Variants in CFDP1 observed in about 807,000 individuals in gnomAD.
The protein encoded by CFDP1 is chromatin remodeling protein CFDP1.
In CFDP1, 31 loss-of-function variants were observed where a neutral mutation model predicts 40.1. The ratio of observed to expected loss-of-function variants is 0.77; its 90% CI spans 0.58 to 1.04. The LOEUF (loss-of-function observed/expected upper bound fraction) is 1.04, where lower values mean the gene tolerates loss of function less well. Among genes scored for constraint, CFDP1 ranks in the 50% least tolerant of loss-of-function variants. The probability of loss-of-function intolerance (pLI) is 0.00; values close to 1 mark genes in which losing one functional copy is unlikely to be tolerated. For missense variants in CFDP1, 423 were observed against 343.4 expected, an observed-to-expected ratio of 1.23 and a Z score of -1.83; for synonymous variants, 167 against 120.0, an observed-to-expected ratio of 1.39 and a Z score of -2.56.
intron 6 of CFDP1, among the ~76,000 whole-genome samples, chr16:75,299,202 C>T (rs547383038): frequency 3.3e-4 from 50 of 152,310 alleles, no homozygotes; most frequent in African/African-American, 9.1e-4. Context: ...GTCTCCGGTA[C>T]AGGCACTTCA....
intron 6 of CFDP1, among the ~76,000 whole-genome samples, chr16:75,297,015 CT>C (rs1275548725): frequency 1.3e-5 from 2 of 152,066 alleles, no homozygotes; most frequent in African/African-American, 4.8e-5. Context: ...TTTTCCTTCT[CT>C]GTAAAACAGA....
In CFDP1 at chr16:75,416,464, T is replaced by TA. The variant is rs147793433; in HGVS notation, c.65-1770dup. Among the ~76,000 whole-genome samples the TA allele has an allele frequency of 6.1e-3, 864 of 141,500 alleles. 6 individuals are homozygous for TA. The highest frequency in any genetic ancestry group is 0.02 in the African/African-American group (783 of 38,256). 92.8% of individuals were successfully genotyped at this position (141,500 alleles called of 152,430 possible). A position where few individuals can be genotyped will look rare whatever the true frequency, so the allele number is the denominator to read the frequency against. ...AACTAAAACAATGATAAAAGAGATTTAAAAAAAAAAAAAAAAGGTAAACCA... is the reference window on the plus strand; with the variant it reads ...AACTAAAACAATGATAAAAGAGATTTAAAAAAAAAAAAAAAAAGGTAAACCA... On this transcript the variant is annotated intron_variant, in intron 1 of 6. Transcript: ENST00000283882.
chr16:75,337,948 T>C (rs1170443617), intron 5 of CFDP1, among the ~76,000 whole-genome samples: 1 of 152,202 alleles, frequency 6.6e-6, no homozygotes, highest in Non-Finnish European at 1.5e-5. Flanking sequence ...CCACAGATGA[T>C]CCAAACCTGG....
intron 5 of CFDP1, among the ~76,000 whole-genome samples, chr16:75,349,785 A>G (rs1352675976): frequency 7.0e-6 from 1 of 142,380 alleles, no homozygotes; most frequent in African/African-American, 2.6e-5. Context: ...ATCAATTTTT[A>G]GTGGATTGCT....
intron 1 of CFDP1, among the ~76,000 whole-genome samples, chr16:75,426,134 T>A (rs2079340642): frequency 6.8e-6 from 1 of 146,874 alleles, no homozygotes; most frequent in African/African-American, 2.5e-5. Context: ...GCGGATCACC[T>A]GAGGTTGGGA....
chr16:75,362,489 T>A (rs2078686396), intron 5 of CFDP1, among the ~76,000 whole-genome samples: 1 of 152,246 alleles, frequency 6.6e-6, no homozygotes, highest in Non-Finnish European at 1.5e-5. Context: ...TAATTACATT[T>A]GACTTAAAAA....
At chr16:75,402,763 G>T (rs950842767) in intron 4 of CFDP1, among the ~76,000 whole-genome samples, 5 of 152,032 alleles carry the variant, frequency 3.3e-5, no homozygotes, top group African/African-American at 1.2e-4. Flanking sequence ...TTCAGATCTC[G>T]TAAGTCCCCT....
intron 6 of CFDP1, among the ~76,000 whole-genome samples, chr16:75,299,807 G>A (rs115258786): frequency 0.022 from 3,352 of 152,216 alleles, 70 homozygotes; most frequent in African/African-American, 0.054. Context: ...TGCATCAGAT[G>A]ATAGTAAGTG....
intron 5 of CFDP1, among the ~76,000 whole-genome samples, chr16:75,326,964 G>T (rs2078405804): frequency 6.6e-6 from 1 of 152,162 alleles, no homozygotes. Context: ...GTTATTAGAG[G>T]ATGAGTTCTA....
chr16:75,300,635 A>G (rs927942455), intron 6 of CFDP1, among the ~76,000 whole-genome samples: 3 of 152,176 alleles, frequency 2.0e-5, no homozygotes, highest in African/African-American at 7.2e-5. Context: ...GCCATTTTCT[A>G]AGAATTCTGA....
intron 4 of CFDP1, among the ~76,000 whole-genome samples, chr16:75,397,194 G>C (rs561454165): frequency 6.6e-6 from 1 of 151,472 alleles, no homozygotes; most frequent in Non-Finnish European, 1.5e-5. Context: ...GATTACAGGC[G>C]TGAGCCACTG....
intron 5 of CFDP1, among the ~76,000 whole-genome samples, chr16:75,347,372 A>G (rs1420678754): frequency 6.8e-5 from 10 of 147,674 alleles, no homozygotes; most frequent in Non-Finnish European, 1.2e-4. Context: ...AAAGAAAAAG[A>G]AAAAGAAAAA....
chr16:75,392,097 T>C (rs1477203633), intron 5 of CFDP1, among the ~76,000 whole-genome samples: 1 of 152,066 alleles, frequency 6.6e-6, no homozygotes, highest in African/African-American at 2.4e-5. Flanking sequence ...TTAAAAATCC[T>C]AATCTTCATT....
intron 5 of CFDP1, among the ~76,000 whole-genome samples, chr16:75,359,610 C>T (rs1362618066): frequency 6.6e-6 from 1 of 152,204 alleles, no homozygotes; most frequent in East Asian, 1.9e-4. Flanking sequence ...GACTCCAATG[C>T]AGTCATGACC....
intron 2 of CFDP1, among the ~76,000 whole-genome samples, 156 bp from the exon 3 acceptor site, chr16:75,412,910 A>C (rs572115614): frequency 2.1e-4 from 32 of 152,040 alleles, no homozygotes; most frequent in Non-Finnish European, 2.4e-4. Context: ...GTTAAGCTGA[A>C]ATTTTATAGA....
chr16:75,386,011 G>GT, intron 5 of CFDP1, among the ~76,000 whole-genome samples: 2 of 152,152 alleles, frequency 1.3e-5, no homozygotes, highest in Non-Finnish European at 2.9e-5. Flanking sequence ...GCACAACCAA[G>GT]GGTATAGGAA....
chr16:75,431,286 T>C (rs1361820851), intron 1 of CFDP1, among the ~76,000 whole-genome samples: 1 of 151,362 alleles, frequency 6.6e-6, no homozygotes, highest in African/African-American at 2.4e-5. Context: ...ACTTCGTCTC[T>C]ACTAAAAATA....
chr16:75,357,502 G>A (rs146740714), intron 5 of CFDP1, among the ~76,000 whole-genome samples: 88 of 152,188 alleles, frequency 5.8e-4, no homozygotes, highest in African/African-American at 2.1e-3. Context: ...TGATCTACCT[G>A]CCTTGACTTC....
intron 5 of CFDP1, among the ~76,000 whole-genome samples, chr16:75,361,517 T>C (rs556335889): frequency 6.6e-5 from 10 of 152,168 alleles, no homozygotes; most frequent in African/African-American, 2.2e-4. Context: ...CTCAGGAGGC[T>C]GAGGCATGAG....
Sources: allele counts gnomAD v4.1 joint callset (sites outside exome capture counted in the v4.1 genomes callset), GRCh38; gene constraint gnomAD v4.1.1; transcripts MANE v1.5; gene names NCBI Gene and HGNC (gene_info 2026-07-23, HGNC 2026-07-21).